The following CTSS variants were observed in gnomAD, a reference collection of about 807,000 sequenced individuals.
CTSS encodes the protein cathepsin S.
CTSS carries 15 observed loss-of-function variants against 39.9 expected under a neutral mutation model. The observed-to-expected ratio is 0.38, with a 90% confidence interval of 0.25 to 0.58. The LOEUF (loss-of-function observed/expected upper bound fraction) is 0.58. Among genes scored for constraint, CTSS ranks in the 20% least tolerant of loss-of-function variants. CTSS has a pLI of 0.70. For missense variants in CTSS, 250 were observed against 398.2 expected (o/e 0.63, Z 3.17); for synonymous variants, 126 against 138.2 (o/e 0.91, Z 0.62).
intron 7 of CTSS, among the ~76,000 whole-genome samples, chr1:150,737,759 T>C (rs1652665890): frequency 1.3e-5 from 2 of 152,126 alleles, no homozygotes; most frequent in African/African-American, 2.4e-5. Context: ...ATGATATATA[T>C]GATTAGTACA....
intron 2 of CTSS, among the ~76,000 whole-genome samples, chr1:150,760,388 A>G (rs79975758): frequency 2.6e-4 from 39 of 152,358 alleles, no homozygotes; most frequent in African/African-American, 9.1e-4. Flanking sequence ...GCAAGACTAC[A>G]GCTAACACCA....
chr1:150,756,323 T>C (rs1462081285), intron 3 of CTSS, among the ~76,000 whole-genome samples: 1 of 152,228 alleles, frequency 6.6e-6, no homozygotes, highest in Non-Finnish European at 1.5e-5. Flanking sequence ...GAGGCTGTTT[T>C]ACAGTTAACT....
At chr1:150,734,030 CT>C (rs1347618244) in intron 7 of CTSS, among the ~76,000 whole-genome samples, 750 of 141,784 alleles carry the variant, frequency 5.3e-3, no homozygotes, top group Middle Eastern at 7.4e-3. Context: ...GTATGGACAT[CT>C]TTTTTTTTTT....
chr1:150,762,311 ACT>A (rs1408575234), intron 2 of CTSS, among the ~76,000 whole-genome samples: 1 of 152,184 alleles, frequency 6.6e-6, no homozygotes, highest in Non-Finnish European at 1.5e-5. Context: ...AAGGCCTGAA[ACT>A]ATATACAACC....
At chr1:150,735,850 G>A (rs1363411903) in intron 7 of CTSS, among the ~76,000 whole-genome samples, 6 of 150,398 alleles carry the variant, frequency 4.0e-5, no homozygotes, top group African/African-American at 7.4e-5. Flanking sequence ...TCCGCCTCCC[G>A]GGTTCACGCC....
At chr1:150,754,421 A>G (rs1369616306) in intron 4 of CTSS, among the ~76,000 whole-genome samples, 2 of 142,192 alleles carry the variant, frequency 1.4e-5, no homozygotes, top group Non-Finnish European at 3.0e-5. Context: ...GCCCTCCCTT[A>G]TACTTTACCT....
chr1:150,754,784 TG>T (rs1250292687), intron 4 of CTSS, among the ~76,000 whole-genome samples: 1 of 152,126 alleles, frequency 6.6e-6, no homozygotes. Context: ...TCTGCAGATG[TG>T]GAAGCTGTGG....
At position 150,755,070 on chromosome 1, in the gene CTSS, G is replaced by T. The variant is rs1188244180; in HGVS notation, c.330C>A (p.Asn110Lys). The T allele has an allele frequency of 1.9e-6, 3 of 1,613,936 alleles. No individual in the cohort carries two copies. Among genetic ancestry groups the T allele is most frequent in the Admixed American group, 3.3e-5 (2 of 59,980 alleles). ...QWQRNITYKS[N>K]PNRILPDSVD... ...CAGAATCAGGCAATATCCGATTAGG[G>T]TTTGACTTATATGTGATATTTCTCT... Residue 110 changes from asparagine to lysine, a missense_variant, in exon 4 of 8, where the codon AAC becomes AAA. By Grantham distance (94) the Asn-to-Lys change is moderately conservative (BLOSUM62 0). Transcript: ENST00000368985.
chr1:150,734,694 G>A (rs1303703786), intron 7 of CTSS, among the ~76,000 whole-genome samples: 1 of 152,034 alleles, frequency 6.6e-6, no homozygotes, highest in Non-Finnish European at 1.5e-5. Flanking sequence ...CCATTATGTT[G>A]TAAAAGAAAA....
At chr1:150,745,603 G>A (rs1046383880) in intron 7 of CTSS, among the ~76,000 whole-genome samples, 17 of 152,000 alleles carry the variant, frequency 1.1e-4, no homozygotes, top group African/African-American at 3.6e-4. Context: ...TTGAGGTTGC[G>A]GTGAACATTG....
intron 7 of CTSS, among the ~76,000 whole-genome samples, chr1:150,735,755 A>ATTTTTTTT (rs146960325): frequency 1.6e-5 from 2 of 126,546 alleles, no homozygotes; most frequent in Admixed American, 8.5e-5. Flanking sequence ...TGCTTGGCCA[A>ATTTTTTTT]TTTTTTTTTT....
intron 6 of CTSS, among the ~76,000 whole-genome samples, chr1:150,748,606 T>G: frequency 6.6e-6 from 1 of 150,954 alleles, no homozygotes; most frequent in Admixed American, 6.6e-5. Flanking sequence ...TAAGGAACAG[T>G]GTTTTGCTCT....
intron 7 of CTSS, among the ~76,000 whole-genome samples, chr1:150,741,837 T>A (rs1652767204): frequency 1.3e-5 from 2 of 149,308 alleles, no homozygotes; most frequent in South Asian, 4.3e-4. Context: ...ATTGTGCCAC[T>A]GCACTCCAGC....
intron 2 of CTSS, among the ~76,000 whole-genome samples, 169 bp downstream of exon 2, chr1:150,764,469 C>T (rs1308429167): frequency 6.6e-6 from 1 of 152,206 alleles, no homozygotes; most frequent in East Asian, 1.9e-4. Context: ...AACTCCTGAC[C>T]TCAGGTGATC....
intron 4 of CTSS, 59 bp from the exon 5 acceptor site, chr1:150,752,067 A>C (rs1054977180): frequency 6.4e-7 from 1 of 1,573,672 alleles, no homozygotes; most frequent in African/African-American, 1.4e-5. Flanking sequence ...AATGACTTCC[A>C]TAACCCAAAC....
chr1:150,760,139 A>G (rs1207572694), intron 2 of CTSS, among the ~76,000 whole-genome samples: 1 of 152,212 alleles, frequency 6.6e-6, no homozygotes, highest in Non-Finnish European at 1.5e-5. Flanking sequence ...GAGGGATAGC[A>G]TTCATTTAAC....
intron 5 of CTSS, among the ~76,000 whole-genome samples, chr1:150,751,290 C>T (rs965883615): frequency 2.0e-5 from 3 of 152,032 alleles, no homozygotes; most frequent in Non-Finnish European, 4.4e-5. Flanking sequence ...GCTCCGTTGC[C>T]GAGGCTGGAG....
In CTSS at chr1:150,748,807, G is replaced by C. The variant is rs1324168645; in HGVS notation, c.794-928C>G. 2.0e-5 allele frequency among the ~76,000 whole-genome samples: 3 copies of C among 152,098 alleles called. No homozygotes were observed. The East Asian group carries it at 5.8e-4, about 29-fold the overall frequency. Reference sequence around the variant, plus strand: ...CAACTCTACATTCAGCAAGTCTATTGGTACCATTTTCCCAAAAGCATGTGC... The same window carrying C: ...CAACTCTACATTCAGCAAGTCTATTCGTACCATTTTCCCAAAAGCATGTGC... On this transcript the variant is annotated intron_variant, in intron 6 of 7. Coordinates refer to ENST00000368985, the MANE Select transcript of CTSS (RefSeq NM_004079.5).
intron 7 of CTSS, among the ~76,000 whole-genome samples, chr1:150,744,643 GCATA>G (rs1214914874): frequency 2.2e-5 from 3 of 135,832 alleles, no homozygotes; most frequent in African/African-American, 8.2e-5. Flanking sequence ...GATTATGTAT[GCATA>G]CATAATATGT....
Sources: gnomAD v4.1 joint callset for allele counts (sites outside exome capture counted in the v4.1 genomes callset) on GRCh38, gnomAD v4.1.1 for gene constraint, MANE v1.5 for transcripts, NCBI Gene and HGNC (gene_info 2026-07-23, HGNC 2026-07-21) for gene names.